Variants in NEMF observed in about 807,000 individuals in gnomAD.
NEMF encodes nuclear export mediator factor.
NEMF carries 89 observed loss-of-function variants against 162.2 expected under a neutral mutation model. The observed-to-expected ratio is 0.55, with a 90% CI of 0.46 to 0.65. The LOEUF is 0.65. NEMF is among the 30% of genes least tolerant of loss of function. NEMF has a pLI of 0.00. For missense variants in NEMF, 1,133 were observed against 1,261.9 expected (o/e 0.90, Z 1.55); for synonymous variants, 421 against 404.5 (o/e 1.04, Z -0.49).
rs1218071839 is a variant in NEMF, at chr14:49,808,713, T to TA, written c.1745-2581dup. 2.6e-5 allele frequency among the ~76,000 whole-genome samples: 4 copies of TA among 151,172 alleles called. No homozygotes were observed. The East Asian group carries it at 7.7e-4, about 29-fold the overall frequency. On this transcript the variant is annotated intron_variant, in intron 18 of 32. Coordinates refer to ENST00000298310, the MANE Select transcript of NEMF (RefSeq NM_004713.6). ...CCTCAATCTTTTGCATGTGGATATC[T>TA]AGTAGTGCCATACTACCGTTAAAAA...
chr14:49,829,746 A>C (rs150922847), intron 11 of NEMF, among the ~76,000 whole-genome samples: 158 of 152,332 alleles, frequency 1.0e-3, no homozygotes, highest in Admixed American at 8.6e-3. Flanking sequence ...CTATGGCACA[A>C]AAGTAAAGTT....
At chr14:49,800,157 G>C (rs188467101) in intron 23 of NEMF, among the ~76,000 whole-genome samples, 5 of 151,828 alleles carry the variant, frequency 3.3e-5, no homozygotes, top group South Asian at 4.2e-4. Flanking sequence ...TTCTTTGATG[G>C]AATTGCCTTT....
At chr14:49,793,154 C>G (rs1472394138) in intron 26 of NEMF, among the ~76,000 whole-genome samples, 1 of 151,976 alleles carries the variant, frequency 6.6e-6, no homozygotes, top group Non-Finnish European at 1.5e-5. Context: ...AAGATATACA[C>G]GATTACTACT....
chr14:49,842,728 C>A lies in NEMF; in HGVS notation c.358-1862G>T, dbSNP rs569613536. ...AAGTGCTGAAAAACTAGTAGCAGGC[C>A]AGGCGCAGTGGCTCACGCCTGTAAT... On this transcript the variant is annotated intron_variant, in intron 4 of 32. Coordinates refer to ENST00000298310, the MANE Select transcript of NEMF (RefSeq NM_004713.6). 9.9e-5 allele frequency among the ~76,000 whole-genome samples: 15 copies of A among 152,264 alleles called. No homozygotes were observed. In the South Asian group the frequency reaches 2.9e-3, roughly 29 times the overall value.
At chr14:49,808,470 G>A (rs1248213307) in intron 18 of NEMF, among the ~76,000 whole-genome samples, 9 of 151,912 alleles carry the variant, frequency 5.9e-5, no homozygotes, top group Non-Finnish European at 1.0e-4. Context: ...CCACCGTGCC[G>A]GGCTGAATTA....
Position 49,840,880 on chromosome 14 carries a change from A to T in NEMF, c.358-14T>A, listed in dbSNP as rs374778601. 1 of 1,607,160 alleles carries T rather than the reference A, an allele frequency of 6.2e-7. No individual in the cohort carries two copies. The highest frequency in any genetic ancestry group is 1.3e-5 in the African/African-American group (1 of 74,432). On this transcript the variant is annotated splice_polypyrimidine_tract_variant and intron_variant, in intron 4 of 32. Transcript: ENST00000298310. Reference sequence around the variant, plus strand: ...AACAATGTTCCCCTGCAATAAAATAAAATACAATTTAGCGCTCTTTCAAAT... The same window carrying T: ...AACAATGTTCCCCTGCAATAAAATATAATACAATTTAGCGCTCTTTCAAAT...
chr14:49,827,221 C>A (rs1036564407), intron 15 of NEMF, among the ~76,000 whole-genome samples: 1 of 152,176 alleles, frequency 6.6e-6, no homozygotes, highest in African/African-American at 2.4e-5. Flanking sequence ...GAGTCTCGCT[C>A]TGTCTCCCAG....
intron 3 of NEMF, among the ~76,000 whole-genome samples, chr14:49,850,974 C>T (rs1285785493): frequency 6.6e-6 from 1 of 152,198 alleles, no homozygotes; most frequent in East Asian, 1.9e-4. Context: ...GAGGCTGAGG[C>T]TGGCGGATCA....
At chr14:49,814,293 G>A (rs1179047222) in intron 17 of NEMF, among the ~76,000 whole-genome samples, 2 of 151,810 alleles carry the variant, frequency 1.3e-5, no homozygotes, top group African/African-American at 4.8e-5. Context: ...AGTGGAGACA[G>A]GGTTTCACCA....
intron 5 of NEMF, among the ~76,000 whole-genome samples, chr14:49,838,654 G>T (rs998160925): frequency 1.4e-5 from 2 of 146,308 alleles, no homozygotes; most frequent in African/African-American, 2.5e-5. Flanking sequence ...GCACGATCTC[G>T]GCTCGCTACA....
At chr14:49,845,923 C>T (rs1893476958) in intron 4 of NEMF, 5 of 546,736 alleles carry the variant, frequency 9.1e-6, no homozygotes, top group Non-Finnish European at 9.6e-6. Context: ...ATTCATAAGG[C>T]TATTCTAAAT....
intron 16 of NEMF, among the ~76,000 whole-genome samples, chr14:49,825,486 A>ATCCAGCACT (rs1419035020): frequency 1.3e-5 from 2 of 152,198 alleles, no homozygotes; most frequent in African/African-American, 2.4e-5. Context: ...TATGCCTGTA[A>ATCCAGCACT]TCCAGCACTG....
chr14:49,799,132 T>A lies in NEMF; in HGVS notation c.2465+343A>T, dbSNP rs373817379. On this transcript the variant is annotated intron_variant, in intron 25 of 32. Coordinates refer to ENST00000298310, the MANE Select transcript of NEMF (RefSeq NM_004713.6). ...GCTGAAGCAGGAGACTGCCTGAGCCTGGGAGTTTGAGGCTGCAGTGAGCCA... is the reference window on the plus strand; with the variant it reads ...GCTGAAGCAGGAGACTGCCTGAGCCAGGGAGTTTGAGGCTGCAGTGAGCCA... Among the ~76,000 whole-genome samples, 17 of 134,098 alleles carry A rather than the reference T, an allele frequency of 1.3e-4. No individual in the cohort carries two copies. In the East Asian group the frequency reaches 3.0e-3, roughly 24 times the overall value. 88.0% of individuals were successfully genotyped at this position (134,098 alleles called of 152,430 possible).
At position 49,825,976 on chromosome 14, in the gene NEMF, TAAA is replaced by T. The variant is rs748366660; in HGVS notation, c.1489-24_1489-22del. Reference sequence around the variant, plus strand: ...AATGCCTATTTATAGAAAAGAGTTTTAAAAACAATTTGTTAAGAATGTATTTAA... The same window carrying T: ...AATGCCTATTTATAGAAAAGAGTTTTAACAATTTGTTAAGAATGTATTTAA... On this transcript the variant is annotated intron_variant, in intron 15 of 32. Coordinates refer to ENST00000298310, the MANE Select transcript of NEMF (RefSeq NM_004713.6). 4.0e-6 allele frequency: 6 copies of T among 1,512,188 alleles called. No individual in the cohort carries two copies. The East Asian group carries it at 9.0e-5, about 23-fold the overall frequency. 93.7% of individuals were successfully genotyped at this position (1,512,188 alleles called of 1,614,324 possible).
At position 49,831,385 on chromosome 14, in the gene NEMF, G is replaced by A. The variant is rs1355036779; in HGVS notation, c.883-24C>T. ...GCCTTATTAAAAAAACAAACAACTA[G>A]TTGGAAAAAAAAGCACAGTCTCTAC... On this transcript the variant is annotated intron_variant, in intron 10 of 32. Coordinates refer to ENST00000298310, the MANE Select transcript of NEMF (RefSeq NM_004713.6). 3 of 1,476,918 alleles carry A rather than the reference G, an allele frequency of 2.0e-6. No homozygotes were observed. In the Admixed American group the frequency reaches 5.3e-5, roughly 26 times the overall value. 91.5% of individuals were successfully genotyped at this position (1,476,918 alleles called of 1,614,324 possible). A position where few individuals can be genotyped will look rare whatever the true frequency, so the allele number is the denominator to read the frequency against.
At chr14:49,822,243 C>T (rs990210351) in intron 16 of NEMF, among the ~76,000 whole-genome samples, 7 of 150,866 alleles carry the variant, frequency 4.6e-5, no homozygotes, top group Admixed American at 3.3e-4. Flanking sequence ...GTCCTATGAC[C>T]CTGCCAAATC....
intron 5 of NEMF, among the ~76,000 whole-genome samples, chr14:49,840,192 T>C (rs1421731017): frequency 6.6e-6 from 1 of 152,100 alleles, no homozygotes; most frequent in Non-Finnish European, 1.5e-5. Flanking sequence ...CCGAGCACAG[T>C]GGCTCATGCC....
intron 16 of NEMF, among the ~76,000 whole-genome samples, chr14:49,825,038 A>G (rs1892269103): frequency 6.6e-6 from 1 of 152,260 alleles, no homozygotes; most frequent in African/African-American, 2.4e-5. Context: ...TATTATTTAG[A>G]TAAATTAGTG....
At position 49,851,550 on chromosome 14, in the gene NEMF, G is replaced by T; in HGVS notation, c.231+13C>A. ...AATCTCTTAAAATTTAGCTTCAAGC[G>T]TAACAAGTTTACCTTCATGGCAAAA... On this transcript the variant is annotated intron_variant, in intron 3 of 32. Transcript: ENST00000298310. 6.3e-7 allele frequency: 1 copy of T among 1,575,814 alleles called. No individual in the cohort carries two copies. The highest frequency in any genetic ancestry group is 1.3e-5 in the African/African-American group (1 of 74,234).
Sources: allele counts gnomAD v4.1 joint callset (sites outside exome capture counted in the v4.1 genomes callset), GRCh38; gene constraint gnomAD v4.1.1; transcripts MANE v1.5; gene names NCBI Gene and HGNC (gene_info 2026-07-23, HGNC 2026-07-21).